VPS37B: variants seen among roughly 807,000 people sequenced by gnomAD.
VPS37B encodes the protein vacuolar protein sorting-associated protein 37B.
VPS37B carries 11 observed loss-of-function variants against 21.2 expected under a neutral mutation model. That is an observed-to-expected ratio of 0.52 (90% CI 0.33 to 0.86). The LOEUF (loss-of-function observed/expected upper bound fraction) is 0.86. Among genes scored for constraint, VPS37B ranks in the 40% least tolerant of loss-of-function variants. VPS37B has a pLI of 0.03. For missense variants in VPS37B, 389 were observed against 374.8 expected (o/e 1.04, Z -0.31); for synonymous variants, 175 against 159.6 (o/e 1.10, Z -0.73).
chr12:122,895,242 C>A (rs1654456257), intron 1 of VPS37B, among the ~76,000 whole-genome samples: 1 of 152,060 alleles, frequency 6.6e-6, no homozygotes, highest in Non-Finnish European at 1.5e-5. Context: ...ACCTCATAGA[C>A]TCAGCTACAG....
Position 122,867,320 on chromosome 12 carries a change from G to A in VPS37B, c.654C>T (p.Arg218=). The A allele has an allele frequency of 8.5e-6, 13 of 1,524,436 alleles. No homozygotes were observed. The highest frequency in any genetic ancestry group is 1.2e-5 in the Non-Finnish European group (13 of 1,123,092). 94.4% of individuals were successfully genotyped at this position (1,524,436 alleles called of 1,614,324 possible). A position where few individuals can be genotyped will look rare whatever the true frequency, so the allele number is the denominator to read the frequency against. The change falls in exon 4 of 4, where the codon CGC becomes CGT. Residue 218 remains arginine, a synonymous_variant. Coordinates refer to ENST00000267202, the MANE Select transcript of VPS37B (RefSeq NM_024667.3). The surrounding 1 kb of genome is among the most constrained non-coding windows in gnomAD (Gnocchi z 5.5). ...TGGCCGCAGTAAACGGGGTGGCTAA[G>A]CGTCCCGCAGGCACCGGGGGTGGTG... The part of the protein sequence containing the change: ...PPPPPPVPAG[R]LATPFTAAMS...
At chr12:122,894,286 C>A (rs1055001420) in intron 1 of VPS37B, among the ~76,000 whole-genome samples, 1 of 152,120 alleles carries the variant, frequency 6.6e-6, no homozygotes, top group Non-Finnish European at 1.5e-5. Context: ...CACATGGAGA[C>A]CATAAACGGG....
chr12:122,883,429 G>A (rs528440707), intron 1 of VPS37B: 1 of 152,342 alleles, frequency 6.6e-6, no homozygotes, highest in East Asian at 1.9e-4. Context: ...AGTTTCTAGG[G>A]CTGGCAGGCA....
In VPS37B at chr12:122,865,992, C is replaced by G. The variant is rs959075088; in HGVS notation, c.*1124G>C. ...TTCGCCAAACCCCTAACGTTGCCCA[C>G]CCTGAGGCCCAGCCACCAGCCACCC... On this transcript the variant is annotated 3_prime_UTR_variant, in exon 4 of 4. Transcript: ENST00000267202. 3 of 152,664 alleles carry G rather than the reference C, an allele frequency of 2.0e-5. No individual in the cohort carries two copies. The highest frequency in any genetic ancestry group is 4.4e-5 in the Non-Finnish European group (3 of 68,176). 9.5% of individuals were successfully genotyped at this position (152,664 alleles called of 1,614,324 possible). A position where few individuals can be genotyped will look rare whatever the true frequency, so the allele number is the denominator to read the frequency against.
chr12:122,893,963 T>C (rs1484221293), intron 1 of VPS37B, among the ~76,000 whole-genome samples: 2 of 152,188 alleles, frequency 1.3e-5, no homozygotes, highest in African/African-American at 2.4e-5. Context: ...ACTTGATTCT[T>C]TCCACAAGCT....
rs2034261659 is a variant in VPS37B at position 122,882,608 on chromosome 12, T to A, written c.112-11547A>T. Reference sequence around the variant, plus strand: ...CAGCAGGCTTATGGGTTAGGTTTGATAAAGAAAGGCTGCCATACATTCAGC... The same window carrying A: ...CAGCAGGCTTATGGGTTAGGTTTGAAAAAGAAAGGCTGCCATACATTCAGC... On this transcript the variant is annotated intron_variant, in intron 1 of 3. Coordinates refer to ENST00000267202, the MANE Select transcript of VPS37B (RefSeq NM_024667.3). 2.6e-5 allele frequency: 4 copies of A among 152,230 alleles called. No individual in the cohort carries two copies. In the South Asian group the frequency reaches 8.3e-4, roughly 31 times the overall value. 9.4% of individuals were successfully genotyped at this position (152,230 alleles called of 1,614,324 possible). A position where few individuals can be genotyped will look rare whatever the true frequency, so the allele number is the denominator to read the frequency against.
chr12:122,880,293 T>C (rs2034226943), intron 1 of VPS37B: 1 of 152,146 alleles, frequency 6.6e-6, no homozygotes, highest in South Asian at 2.1e-4. Context: ...CCAGCAGTGA[T>C]AACAGTTTGG....
Position 122,870,905 on chromosome 12 carries a change from T to G in VPS37B, c.268A>C (p.Lys90Gln). ...LQVLFEAYQI[K>Q]KTKLDRQSSS... Reference sequence around the variant, plus strand: ...AAAAAGTTACCTAATTTGGTCTTCTTTATCTGATAGGCTTCAAAGAGAACC... The same window carrying G: ...AAAAAGTTACCTAATTTGGTCTTCTGTATCTGATAGGCTTCAAAGAGAACC... Residue 90 changes from lysine (K) to glutamine (Q), a missense_variant, in exon 2 of 4, where the codon AAG becomes CAG. Coordinates refer to ENST00000267202, the MANE Select transcript of VPS37B (RefSeq NM_024667.3). The G allele has an allele frequency of 6.2e-7, 1 of 1,613,758 alleles. No homozygotes were observed. Among genetic ancestry groups the G allele is most frequent in the Non-Finnish European group, 8.5e-7 (1 of 1,179,904 alleles).
At position 122,867,512 on chromosome 12, in the gene VPS37B, C is replaced by G. The variant is rs1174518346; in HGVS notation, c.462G>C (p.Val154=). 1.2e-6 allele frequency: 2 copies of G among 1,613,964 alleles called. No homozygotes were observed. Among genetic ancestry groups the G allele is most frequent in the African/African-American group, 2.7e-5 (2 of 74,890 alleles). Residue 154 remains valine (V), a synonymous_variant, in exon 4 of 4, where the codon GTG becomes GTC. Coordinates refer to ENST00000267202, the MANE Select transcript of VPS37B (RefSeq NM_024667.3). This position sits in a 1 kb window ranked among gnomAD's most constrained non-coding sequence, Gnocchi z 5.5. ...SKRKLAHMRR[V]KIEKLQEMVL... ...CCATCTCCTGGAGCTTCTCGATTTT[C>G]ACCCGTCGCATGTGGGCCAGTTTCC... is the stretch of plus-strand genomic sequence containing the variant.
At chr12:122,891,004 G>C (rs1427675679) in intron 1 of VPS37B, among the ~76,000 whole-genome samples, 21 of 152,160 alleles carry the variant, frequency 1.4e-4, no homozygotes, top group Non-Finnish European at 1.5e-5. Context: ...TATTTACCAA[G>C]TGTTCACTCT....
At chr12:122,872,360 A>T (rs769468839) in intron 1 of VPS37B, 1 of 985,462 alleles carries the variant, frequency 1.0e-6, no homozygotes, top group Non-Finnish European at 1.2e-6. Context: ...CAACAGCTGC[A>T]CCCAGGGCCC....
chr12:122,865,539 GAGATTCA>G lies in VPS37B; in HGVS notation c.*1570_*1576del, dbSNP rs1166611394. On this transcript the variant is annotated 3_prime_UTR_variant, in exon 4 of 4. Coordinates refer to ENST00000267202, the MANE Select transcript of VPS37B (RefSeq NM_024667.3). The stretch of plus-strand genomic sequence containing the variant: ...TGGGGGCGGGTGGCACCGCTCACTC[GAGATTCA>G]CAGAACATGGCAAGCCCGCCTGACT... The G allele has an allele frequency of 1.1e-4, 16 of 152,298 alleles. No individual in the cohort carries two copies. Among genetic ancestry groups the G allele is most frequent in the Admixed American group, 9.2e-4 (14 of 15,288 alleles). 9.4% of individuals were successfully genotyped at this position (152,298 alleles called of 1,614,324 possible).
At chr12:122,880,005 G>C (rs1235353964) in intron 1 of VPS37B, 1 of 152,124 alleles carries the variant, frequency 6.6e-6, no homozygotes, top group Non-Finnish European at 1.5e-5. Flanking sequence ...AGCTACTTGG[G>C]AGGCTGAGGC....
chr12:122,896,074 G>A lies in VPS37B; in HGVS notation c.-12C>T, dbSNP rs1376939034. ...CCGGCGCCCGCCATCCCCACGTCTC[G>A]GCCGTCGTCGCCACCGCCGCTGCGG... is the stretch of plus-strand genomic sequence containing the variant. On this transcript the variant is annotated 5_prime_UTR_variant, in exon 1 of 4. Transcript: ENST00000267202. 3.2e-6 allele frequency: 5 copies of A among 1,563,518 alleles called. No individual in the cohort carries two copies. The highest frequency in any genetic ancestry group is 1.8e-5 in the Admixed American group (1 of 55,366).
intron 1 of VPS37B, chr12:122,888,290 TAAGTC>T: frequency 3.1e-6 from 1 of 319,724 alleles, no homozygotes; most frequent in South Asian, 2.5e-5. Flanking sequence ...AAAGCTAAGC[TAAGTC>T]ACCTCTCTAC....
chr12:122,867,345 G>A lies in VPS37B; in HGVS notation c.629C>T (p.Pro210Leu), dbSNP rs780812314. 4.6e-6 allele frequency: 7 copies of A among 1,517,122 alleles called. No homozygotes were observed. Among genetic ancestry groups the A allele is most frequent in the East Asian group, 2.4e-5 (1 of 41,944 alleles). 94.0% of individuals were successfully genotyped at this position (1,517,122 alleles called of 1,614,324 possible). The change falls in exon 4 of 4, where the codon CCA (proline) becomes CTA (leucine). Residue 210 changes from proline to leucine, a missense_variant. Coordinates refer to ENST00000267202, the MANE Select transcript of VPS37B (RefSeq NM_024667.3). The surrounding 1 kb of genome is among the most constrained non-coding windows in gnomAD (Gnocchi z 5.5). ...GCGTCCCGCAGGCACCGGGGGTGGTGGGGGGGGGATGCGCCGAGGTGCAAC... is the reference window on the plus strand; with the variant it reads ...GCGTCCCGCAGGCACCGGGGGTGGTAGGGGGGGGATGCGCCGAGGTGCAAC... ...PAVAPRRIPP[P>L]PPPVPAGRLA...
rs1035350013 is a variant in VPS37B, at chr12:122,867,774, C to T, written c.367-167G>A. 5.3e-5 allele frequency among the ~76,000 whole-genome samples: 8 copies of T among 152,168 alleles called. No homozygotes were observed. The highest frequency in any genetic ancestry group is 2.0e-4 in the Admixed American group (3 of 15,290). On this transcript the variant is annotated intron_variant, in intron 3 of 3. Transcript: ENST00000267202. The surrounding 1 kb of genome is among the most constrained non-coding windows in gnomAD (Gnocchi z 5.5). ...CTCCAGATCCCAGAGGTCATGGGCT[C>T]AGGCTTCAGCATGAGCTGCCACTAG...
intron 1 of VPS37B, chr12:122,886,948 T>C (rs571765886): frequency 6.6e-6 from 1 of 152,312 alleles, no homozygotes; most frequent in East Asian, 1.9e-4. Flanking sequence ...GCTTCAACAG[T>C]CAACTTTCCA....
At chr12:122,869,088 C>T (rs894575645) in intron 2 of VPS37B, among the ~76,000 whole-genome samples, 2 of 152,212 alleles carry the variant, frequency 1.3e-5, no homozygotes, top group Non-Finnish European at 1.5e-5. Context: ...CTCAGCACCG[C>T]GTCTCTGAGA....
Sources: gnomAD v4.1 joint callset for allele counts (sites outside exome capture counted in the v4.1 genomes callset) on GRCh38, gnomAD v4.1.1 for gene constraint, Gnocchi (gnomAD v3.1) non-coding constraint, MANE v1.5 for transcripts, NCBI Gene and HGNC (gene_info 2026-07-23, HGNC 2026-07-21) for gene names.